Variants in PLCB1 observed in about 807,000 individuals in gnomAD.
PLCB1 encodes the protein 1-phosphatidylinositol 4,5-bisphosphate phosphodiesterase beta-1.
PLCB1 carries 46 observed loss-of-function variants against 161.8 expected under a neutral mutation model. The ratio of observed to expected loss-of-function variants is 0.28; its 90% CI spans 0.22 to 0.36. PLCB1 has a LOEUF of 0.36. Among genes scored for constraint, PLCB1 ranks in the 10% least tolerant of loss-of-function variants. The pLI, the probability that PLCB1 is intolerant of heterozygous loss-of-function variation, is 1.00. For missense variants in PLCB1, 1,016 were observed against 1,472.5 expected, an observed-to-expected ratio of 0.69 and a Z score of 5.07; for synonymous variants, 517 against 503.7, an observed-to-expected ratio of 1.03 and a Z score of -0.35.
At chr20:8,393,058 T>C (rs973617872) in intron 3 of PLCB1, among the ~76,000 whole-genome samples, 20 of 152,174 alleles carry the variant, frequency 1.3e-4, no homozygotes, top group Admixed American at 1.2e-3. Flanking sequence ...AGTATGTTTG[T>C]TGGTGTTTAA....
chr20:8,426,230 C>CT (rs1185259296), intron 3 of PLCB1, among the ~76,000 whole-genome samples: 6 of 152,200 alleles, frequency 3.9e-5, no homozygotes, highest in African/African-American at 1.4e-4. Context: ...AAATGTGCTA[C>CT]TTTAACTCTC....
intron 9 of PLCB1, among the ~76,000 whole-genome samples, chr20:8,682,750 A>G (rs1233456389): frequency 6.6e-6 from 1 of 152,226 alleles, no homozygotes; most frequent in Non-Finnish European, 1.5e-5. Flanking sequence ...AGGGGAGAAG[A>G]GAAGGAAAAC....
At chr20:8,669,076 A>G (rs1568553878) in intron 9 of PLCB1, among the ~76,000 whole-genome samples, 2 of 152,230 alleles carry the variant, frequency 1.3e-5, no homozygotes, top group Non-Finnish European at 1.5e-5. Context: ...GGAGCCTATA[A>G]TTACAAGGAG....
intron 3 of PLCB1, among the ~76,000 whole-genome samples, chr20:8,548,068 A>ACCTTCCTCCCTC (rs1467367937): frequency 6.7e-6 from 1 of 148,694 alleles, no homozygotes; most frequent in Non-Finnish European, 1.5e-5. Context: ...CTCCCTTCCT[A>ACCTTCCTCCCTC]CCTTCCTCCC....
chr20:8,681,093 T>TATAC, intron 9 of PLCB1, among the ~76,000 whole-genome samples: 1 of 98,550 alleles, frequency 1.0e-5, no homozygotes, highest in South Asian at 4.0e-4. Context: ...TGTGTATATA[T>TATAC]ATATATATAT....
chr20:8,565,594 A>G (rs1986304918), intron 3 of PLCB1, among the ~76,000 whole-genome samples: 2 of 152,040 alleles, frequency 1.3e-5, no homozygotes, highest in Non-Finnish European at 2.9e-5. Flanking sequence ...GAATAGGCAA[A>G]CAGAAATATA....
chr20:8,225,925 T>G (rs1461587676), intron 2 of PLCB1, among the ~76,000 whole-genome samples: 2 of 152,260 alleles, frequency 1.3e-5, no homozygotes, highest in African/African-American at 4.8e-5. Flanking sequence ...TATCTTGCAG[T>G]CTTTTCACGT....
intron 31 of PLCB1, among the ~76,000 whole-genome samples, chr20:8,825,987 G>C (rs1985676028): frequency 6.6e-6 from 1 of 152,100 alleles, no homozygotes; most frequent in Admixed American, 6.5e-5. Context: ...TCCTGGGCTA[G>C]GTGTCAAACT....
At chr20:8,479,045 T>C (rs1382809134) in intron 3 of PLCB1, among the ~76,000 whole-genome samples, 1 of 152,152 alleles carries the variant, frequency 6.6e-6, no homozygotes, top group African/African-American at 2.4e-5. Context: ...GCATGAGTAT[T>C]CTCTATTATG....
intron 3 of PLCB1, among the ~76,000 whole-genome samples, chr20:8,476,937 T>C (rs911097769): frequency 1.3e-5 from 2 of 152,190 alleles, no homozygotes; most frequent in Non-Finnish European, 2.9e-5. Context: ...CACTATTTCC[T>C]TACCATGATG....
At chr20:8,295,708 C>T (rs1488646463) in intron 2 of PLCB1, among the ~76,000 whole-genome samples, 2 of 151,678 alleles carry the variant, frequency 1.3e-5, no homozygotes, top group African/African-American at 2.4e-5. Context: ...ATATATATAT[C>T]CTCTTTTTTA....
rs116261203 is a variant in PLCB1, at chr20:8,785,063, A to G, written c.3112-3386A>G. Reference sequence around the variant, plus strand: ...GGGAGCAATAATAAGATATTTACATACAAAAGGTATGTCTGTAAATGATAC... The same window carrying G: ...GGGAGCAATAATAAGATATTTACATGCAAAAGGTATGTCTGTAAATGATAC... On this transcript the variant is annotated intron_variant, in intron 27 of 31. Transcript: ENST00000338037. Among the ~76,000 whole-genome samples, 1,165 of 152,188 alleles carry G rather than the reference A, an allele frequency of 7.7e-3. 15 individuals are homozygous for G. Among genetic ancestry groups the G allele is most frequent in the South Asian group, 0.043 (209 of 4,826 alleles).
intron 3 of PLCB1, among the ~76,000 whole-genome samples, chr20:8,539,913 A>G (rs559580065): frequency 6.6e-6 from 1 of 152,234 alleles, no homozygotes; most frequent in East Asian, 1.9e-4. Context: ...GGATTTAAGC[A>G]TATGGCTTTC....
At chr20:8,174,255 C>T (rs1232273070) in intron 2 of PLCB1, among the ~76,000 whole-genome samples, 2 of 152,156 alleles carry the variant, frequency 1.3e-5, no homozygotes, top group African/African-American at 2.4e-5. Context: ...AGAAATGATG[C>T]ATTAACTACA....
At chr20:8,263,003 T>C (rs952880792) in intron 2 of PLCB1, among the ~76,000 whole-genome samples, 1 of 152,176 alleles carries the variant, frequency 6.6e-6, no homozygotes, top group African/African-American at 2.4e-5. Context: ...CATTGGGGAT[T>C]AAGGGCTTCA....
At position 8,761,596 on chromosome 20, in the gene PLCB1, G is replaced by A. The variant is rs550476200; in HGVS notation, c.2710+1136G>A. On this transcript the variant is annotated intron_variant, in intron 25 of 31. Transcript: ENST00000338037. ...CACAGTGGTACAATCTCGGCTGACC[G>A]CAACCTCCACCTCCCGGGTTCAAGC... Among the ~76,000 whole-genome samples the A allele has an allele frequency of 4.6e-5, 7 of 152,166 alleles. No individual in the cohort carries two copies. The South Asian group carries it at 1.2e-3, about 27-fold the overall frequency.
At chr20:8,276,201 G>A (rs1982535635) in intron 2 of PLCB1, among the ~76,000 whole-genome samples, 1 of 152,112 alleles carries the variant, frequency 6.6e-6, no homozygotes, top group Admixed American at 6.6e-5. Flanking sequence ...ATTTCTGCAG[G>A]AATTCCCACT....
At chr20:8,384,370 A>G (rs1287067386) in intron 3 of PLCB1, among the ~76,000 whole-genome samples, 2 of 151,988 alleles carry the variant, frequency 1.3e-5, no homozygotes, top group African/African-American at 4.8e-5. Context: ...TTTCAGCTCC[A>G]TCAGGTCATT....
intron 31 of PLCB1, among the ~76,000 whole-genome samples, chr20:8,804,847 C>G (rs770933283): frequency 6.6e-6 from 1 of 151,612 alleles, no homozygotes; most frequent in African/African-American, 2.4e-5. Context: ...AAAAATTAGC[C>G]GGGCGTGGTG....
Sources: gnomAD v4.1 joint callset for allele counts (sites outside exome capture counted in the v4.1 genomes callset) on GRCh38, gnomAD v4.1.1 for gene constraint, MANE v1.5 for transcripts, NCBI Gene and HGNC (gene_info 2026-07-23, HGNC 2026-07-21) for gene names.